Variants in CACNA2D1 observed in about 807,000 individuals in gnomAD.
CACNA2D1 encodes the protein calcium voltage-gated channel auxiliary subunit alpha2delta 1.
A neutral mutation model predicts 171.5 loss-of-function variants in CACNA2D1; 53 were observed. The ratio of observed to expected loss-of-function variants is 0.31; its 90% CI spans 0.25 to 0.39. The LOEUF is 0.39. Among genes scored for constraint, CACNA2D1 ranks in the 10% least tolerant of loss-of-function variants. The probability of loss-of-function intolerance (pLI) is 1.00; values close to 1 mark genes in which losing one functional copy is unlikely to be tolerated. For missense variants in CACNA2D1, 903 were observed against 1,299.8 expected (o/e 0.69, Z 4.69); for synonymous variants, 442 against 443.1 (o/e 1.00, Z 0.03).
At chr7:82,375,617 A>G (rs1161727145) in intron 1 of CACNA2D1, among the ~76,000 whole-genome samples, 1 of 152,028 alleles carries the variant, frequency 6.6e-6, no homozygotes, top group Non-Finnish European at 1.5e-5. Context: ...TGCTTTCAAC[A>G]CTTCTTACAA....
chr7:82,119,492 C>A (rs1370081307), intron 5 of CACNA2D1, among the ~76,000 whole-genome samples: 1 of 152,126 alleles, frequency 6.6e-6, no homozygotes. Context: ...AATGATAATT[C>A]TTTGACAGGT....
chr7:82,117,062 T>C lies in CACNA2D1; in HGVS notation c.508A>G (p.Thr170Ala). 1.2e-6 allele frequency: 2 copies of C among 1,613,832 alleles called. No individual in the cohort carries two copies. The highest frequency in any genetic ancestry group is 1.7e-6 in the Non-Finnish European group (2 of 1,179,838). Residue 170 changes from threonine to alanine, a missense_variant, in exon 6 of 39, where the codon ACT becomes GCT. Thr to Ala is a moderately conservative substitution (Grantham distance 58). This residue lies in a region of CACNA2D1 where 189 missense variants were observed against 266.8 expected (regional missense o/e 0.71). Coordinates refer to ENST00000356860, the MANE Select transcript of CACNA2D1 (RefSeq NM_000722.4). ...TACTTACAGCCCTCATAGATGTCAG[T>C]AGGAATATGGACTGCTGCGTGCTGA... ...SYQHAAVHIP[T>A]DIYEGSTIVL...
At chr7:82,215,418 C>T (rs753667593) in intron 3 of CACNA2D1, among the ~76,000 whole-genome samples, 5 of 152,048 alleles carry the variant, frequency 3.3e-5, no homozygotes, top group Admixed American at 6.6e-5. Flanking sequence ...CAGACCAAAC[C>T]GCAGGGTGTT....
chr7:82,428,517 C>T (rs934060895), intron 1 of CACNA2D1, among the ~76,000 whole-genome samples: 2 of 152,126 alleles, frequency 1.3e-5, no homozygotes, highest in Admixed American at 6.6e-5. Context: ...TAAGAGAAAA[C>T]AGTAGTCTTT....
At chr7:82,111,560 A>T (rs1355861049) in intron 6 of CACNA2D1, among the ~76,000 whole-genome samples, 3 of 149,616 alleles carry the variant, frequency 2.0e-5, no homozygotes, top group Admixed American at 6.7e-5. Context: ...TGAACCTCCA[A>T]CCTCTGCCTT....
chr7:82,443,624 G>A lies in CACNA2D1; in HGVS notation c.-165C>T. 3 of 1,318,272 alleles carry A rather than the reference G, an allele frequency of 2.3e-6. No homozygotes were observed. The highest frequency in any genetic ancestry group is 2.9e-6 in the Non-Finnish European group (3 of 1,039,920). The allele number at this position is 1,318,272 out of a possible 1,614,324, so 81.7% of individuals were successfully genotyped here. On this transcript the variant is annotated 5_prime_UTR_variant, in exon 1 of 39. Transcript: ENST00000356860. The stretch of plus-strand genomic sequence containing the variant: ...CGCGGAGCCGCGCGGGGGACGGCAA[G>A]GGCGGGAGCGGACGCCGAGGAAGGG...
intron 4 of CACNA2D1, among the ~76,000 whole-genome samples, chr7:82,149,796 A>AAGAAAAG (rs1554432060): frequency 1.0e-4 from 14 of 136,766 alleles, no homozygotes; most frequent in South Asian, 2.4e-4. Context: ...ACAAACAACA[A>AAGAAAAG]AAAAAAAAAC....
At chr7:82,437,280 A>G (rs996777233) in intron 1 of CACNA2D1, among the ~76,000 whole-genome samples, 1 of 152,204 alleles carries the variant, frequency 6.6e-6, no homozygotes, top group Non-Finnish European at 1.5e-5. Context: ...TGAATAAAAT[A>G]ACATTGGAAT....
intron 6 of CACNA2D1, among the ~76,000 whole-genome samples, chr7:82,111,536 C>T (rs916734172): frequency 4.0e-5 from 6 of 148,784 alleles, no homozygotes; most frequent in Non-Finnish European, 5.9e-5. Context: ...AAACCTCTGC[C>T]TCCTGGGCTC....
intron 11 of CACNA2D1, among the ~76,000 whole-genome samples, chr7:82,033,500 GT>G (rs1802954841): frequency 6.6e-6 from 1 of 152,012 alleles, no homozygotes; most frequent in Non-Finnish European, 1.5e-5. Context: ...TCAAATAAGT[GT>G]TTTCTTCCCT....
At chr7:82,079,271 C>T (rs1279686263) in intron 7 of CACNA2D1, among the ~76,000 whole-genome samples, 1 of 152,192 alleles carries the variant, frequency 6.6e-6, no homozygotes, top group Non-Finnish European at 1.5e-5. Context: ...CATTGTTATC[C>T]TCCTTGTTTC....
chr7:82,092,540 C>CTTTTTTTTTTTTTTTTTTT (rs71093360), intron 6 of CACNA2D1, among the ~76,000 whole-genome samples: 1 of 102,702 alleles, frequency 9.7e-6, no homozygotes. Flanking sequence ...GCCCAGCTAA[C>CTTTTTTTTTTTTTTTTTTT]TTTTTTTTTT....
chr7:82,205,422 C>A (rs1330504449), intron 3 of CACNA2D1, among the ~76,000 whole-genome samples: 1 of 152,054 alleles, frequency 6.6e-6, no homozygotes, highest in African/African-American at 2.4e-5. Flanking sequence ...GAATCTTACT[C>A]CCTTCCAGCT....
chr7:82,051,853 A>G (rs1053398776), intron 10 of CACNA2D1, among the ~76,000 whole-genome samples: 2 of 152,170 alleles, frequency 1.3e-5, no homozygotes. Context: ...ATCAAAGCAT[A>G]TAACTGGATT....
At chr7:82,284,761 G>A (rs1463950146) in intron 3 of CACNA2D1, among the ~76,000 whole-genome samples, 1 of 152,080 alleles carries the variant, frequency 6.6e-6, no homozygotes, top group African/African-American at 2.4e-5. Context: ...TCACCTTGAG[G>A]GTTAAGTTCC....
chr7:81,967,328 G>A, intron 30 of CACNA2D1, 121 bp from the exon 31 acceptor site: 1 of 854,690 alleles, frequency 1.2e-6, no homozygotes, highest in Non-Finnish European at 1.9e-6. Flanking sequence ...AGATTAAACA[G>A]TCTAGTCTAT....
rs549143934 is a variant in CACNA2D1 at position 82,099,698 on chromosome 7, C to T, written c.527-14798G>A. Among the ~76,000 whole-genome samples the T allele has an allele frequency of 3.3e-4, 19 of 57,982 alleles. 6 individuals are homozygous for T. In the South Asian group the frequency reaches 9.6e-3, roughly 29 times the overall value. 38.0% of individuals were successfully genotyped at this position (57,982 alleles called of 152,430 possible). A position where few individuals can be genotyped will look rare whatever the true frequency, so the allele number is the denominator to read the frequency against. On this transcript the variant is annotated intron_variant, in intron 6 of 38. Coordinates refer to ENST00000356860, the MANE Select transcript of CACNA2D1 (RefSeq NM_000722.4). ...TCTCCTGACCTCGTGATCCGCCCGC[C>T]TCGGCCTCCCAAAGTGCTGGGATTA...
At chr7:81,958,999 C>T (rs1793775613) in intron 38 of CACNA2D1, among the ~76,000 whole-genome samples, 2 of 151,670 alleles carry the variant, frequency 1.3e-5, no homozygotes, top group Admixed American at 1.3e-4. Flanking sequence ...ACAAATATAC[C>T]ATAATTAACA....
At chr7:82,149,705 G>T (rs1444078934) in intron 4 of CACNA2D1, among the ~76,000 whole-genome samples, 2 of 151,282 alleles carry the variant, frequency 1.3e-5, no homozygotes, top group African/African-American at 4.9e-5. Flanking sequence ...AAGGCAGGCG[G>T]ATCACAAGGT....
Sources: allele counts gnomAD v4.1 joint callset (sites outside exome capture counted in the v4.1 genomes callset), GRCh38; gene constraint gnomAD v4.1.1; regional missense constraint gnomAD v4.1.1; transcripts MANE v1.5; gene names NCBI Gene and HGNC (gene_info 2026-07-23, HGNC 2026-07-21).